GMDS: variants seen among roughly 807,000 people sequenced by gnomAD.
GMDS encodes the protein GDP-mannose 4,6-dehydratase, also known as GDP-mannose 4,6 dehydratase.
Under a neutral mutation model 49.9 loss-of-function variants are expected in GMDS, and 20 were observed. That is an observed-to-expected ratio of 0.40 (90% CI 0.28 to 0.58). The LOEUF is 0.58. Among genes scored for constraint, GMDS ranks in the 20% least tolerant of loss-of-function variants. The probability of loss-of-function intolerance (pLI) is 0.42; values close to 1 mark genes in which losing one functional copy is unlikely to be tolerated. For missense variants in GMDS, 362 were observed against 481.4 expected (o/e 0.75, Z 2.32); for synonymous variants, 177 against 178.6 (o/e 0.99, Z 0.07).
At chr6:2,175,429 A>G (rs77355133) in intron 1 of GMDS, among the ~76,000 whole-genome samples, 3,399 of 152,344 alleles carry the variant, frequency 0.022, 48 homozygotes, top group Non-Finnish European at 0.033. Context: ...TTGAGGTAGA[A>G]AAGTTACTAT....
intron 7 of GMDS, among the ~76,000 whole-genome samples, chr6:1,799,227 T>G (rs1034491286): frequency 6.6e-6 from 1 of 152,170 alleles, no homozygotes; most frequent in African/African-American, 2.4e-5. Context: ...TGCTTCCCGC[T>G]GGCAAAGAGT....
intron 8 of GMDS, among the ~76,000 whole-genome samples, chr6:1,730,135 G>A (rs756466181): frequency 6.6e-6 from 1 of 152,214 alleles, no homozygotes; most frequent in Non-Finnish European, 1.5e-5. Flanking sequence ...ATTTAATTAG[G>A]GTATGGAAGT....
intron 8 of GMDS, among the ~76,000 whole-genome samples, chr6:1,740,015 A>G (rs923693794): frequency 2.0e-5 from 3 of 152,264 alleles, no homozygotes; most frequent in Admixed American, 6.5e-5. Flanking sequence ...CTTTTGGAGC[A>G]TAACAGGACA....
chr6:2,223,136 G>A (rs558237919), intron 1 of GMDS, among the ~76,000 whole-genome samples: 13 of 148,522 alleles, frequency 8.8e-5, no homozygotes, highest in African/African-American at 2.8e-4. Flanking sequence ...TCAATAGCGC[G>A]CTCTCTCTCT....
At chr6:1,902,643 A>G (rs1760553890) in intron 7 of GMDS, among the ~76,000 whole-genome samples, 1 of 151,890 alleles carries the variant, frequency 6.6e-6, no homozygotes, top group Non-Finnish European at 1.5e-5. Flanking sequence ...AATATAGGAT[A>G]AAAAAATAGT....
chr6:1,988,537 C>T (rs930117455), intron 4 of GMDS, among the ~76,000 whole-genome samples: 1 of 152,074 alleles, frequency 6.6e-6, no homozygotes, highest in Non-Finnish European at 1.5e-5. Context: ...ATCCAGCTCA[C>T]CCCAACTGCA....
intron 4 of GMDS, among the ~76,000 whole-genome samples, chr6:2,097,872 C>T (rs1260797724): frequency 6.6e-6 from 1 of 151,940 alleles, no homozygotes; most frequent in Non-Finnish European, 1.5e-5. Flanking sequence ...AAATGGTTAC[C>T]ATTAAATAGA....
At chr6:1,862,629 A>G (rs1758245355) in intron 7 of GMDS, among the ~76,000 whole-genome samples, 1 of 152,260 alleles carries the variant, frequency 6.6e-6, no homozygotes, top group Admixed American at 6.5e-5. Context: ...GTCTTTGCCA[A>G]AGAACCTTTC....
At chr6:1,749,219 T>C (rs187593896) in intron 7 of GMDS, among the ~76,000 whole-genome samples, 1 of 152,302 alleles carries the variant, frequency 6.6e-6, no homozygotes, top group Admixed American at 6.5e-5. Context: ...CTGGCGATGT[T>C]TGCTTTCACT....
chr6:1,751,086 A>T (rs1047037723), intron 7 of GMDS, among the ~76,000 whole-genome samples: 1 of 152,204 alleles, frequency 6.6e-6, no homozygotes, highest in Non-Finnish European at 1.5e-5. Flanking sequence ...GGGCTTATAG[A>T]TAAAACTCCC....
intron 1 of GMDS, among the ~76,000 whole-genome samples, chr6:2,218,712 T>A (rs1160903461): frequency 1.3e-5 from 2 of 152,250 alleles, no homozygotes; most frequent in Admixed American, 1.3e-4. Context: ...TATATCTTAA[T>A]GTGCATTCTA....
intron 7 of GMDS, among the ~76,000 whole-genome samples, chr6:1,747,723 G>T (rs1471238530): frequency 6.6e-6 from 1 of 152,134 alleles, no homozygotes; most frequent in Non-Finnish European, 1.5e-5. Flanking sequence ...TAGTTTTGTG[G>T]TCAGCCAAGC....
At chr6:2,034,030 C>T (rs543308811) in intron 4 of GMDS, among the ~76,000 whole-genome samples, 1 of 152,202 alleles carries the variant, frequency 6.6e-6, no homozygotes, top group South Asian at 2.1e-4. Context: ...CACATGATTT[C>T]TAACACACAG....
At chr6:1,661,428 C>T in intron 9 of GMDS, among the ~76,000 whole-genome samples, 1 of 152,162 alleles carries the variant, frequency 6.6e-6, no homozygotes, top group Middle Eastern at 3.2e-3. Flanking sequence ...TAGACGACAC[C>T]CCTGTGATGT....
chr6:1,999,989 ATATATATTATATATATATATT>A, intron 4 of GMDS, among the ~76,000 whole-genome samples: 1 of 14,760 alleles, frequency 6.8e-5, no homozygotes, highest in East Asian at 1.5e-3. Context: ...TATTTTATAT[ATATATATTATATATATATATT>A]TTTTATATAT....
chr6:1,712,366 A>G (rs977536263), intron 9 of GMDS, among the ~76,000 whole-genome samples: 2 of 152,256 alleles, frequency 1.3e-5, no homozygotes, highest in Admixed American at 6.5e-5. Context: ...GATGACGTGT[A>G]AAGTAGAAGA....
chr6:2,178,691 C>T (rs1778391488), intron 1 of GMDS, among the ~76,000 whole-genome samples: 2 of 152,178 alleles, frequency 1.3e-5, no homozygotes. Flanking sequence ...ACCTTTGTAA[C>T]ACACCTGTGT....
At chr6:1,686,294 C>T (rs1272511648) in intron 9 of GMDS, among the ~76,000 whole-genome samples, 4 of 152,234 alleles carry the variant, frequency 2.6e-5, no homozygotes, top group Admixed American at 2.6e-4. Context: ...GGAAGGAATC[C>T]TGCCAAATAT....
chr6:1,992,302 G>A (rs1048502462), intron 4 of GMDS, among the ~76,000 whole-genome samples: 1 of 152,130 alleles, frequency 6.6e-6, no homozygotes, highest in Non-Finnish European at 1.5e-5. Context: ...CACTAACCTG[G>A]TGATCTCTCT....
Sources: allele counts gnomAD v4.1 joint callset (sites outside exome capture counted in the v4.1 genomes callset), GRCh38; gene constraint gnomAD v4.1.1; transcripts MANE v1.5; gene names NCBI Gene and HGNC (gene_info 2026-07-23, HGNC 2026-07-21).